The following C12orf42 variants were observed in gnomAD, a reference collection of about 807,000 sequenced individuals.
The protein encoded by C12orf42 is uncharacterized protein C12orf42.
C12orf42 carries 25 observed loss-of-function variants against 21.6 expected under a neutral mutation model. That is an observed-to-expected ratio of 1.16 (90% CI 0.84 to 1.62). C12orf42 has a LOEUF of 1.62. C12orf42 is among the 40% of genes most tolerant of loss of function. The pLI is 0.00. For missense variants in C12orf42, 483 were observed against 459.3 expected (o/e 1.05, Z -0.47); for synonymous variants, 174 against 175.0 (o/e 0.99, Z 0.05).
At chr12:103,289,368 C>A (rs1032114878) in intron 4 of C12orf42, among the ~76,000 whole-genome samples, 1 of 151,876 alleles carries the variant, frequency 6.6e-6, no homozygotes, top group Non-Finnish European at 1.5e-5. Context: ...AAGAGCATAC[C>A]AGACAAAATA....
At chr12:103,553,200 A>G in the C12orf42 span, among the ~76,000 whole-genome samples, 32 of 152,188 alleles carry the variant, frequency 2.1e-4, no homozygotes, top group African/African-American at 6.0e-4. Flanking sequence ...CAGTTTGAAA[A>G]CCAAAAGTCT....
intron 4 of C12orf42, chr12:103,349,136 T>G (rs1179730724): frequency 6.6e-6 from 1 of 152,186 alleles, no homozygotes; most frequent in East Asian, 1.9e-4. Context: ...AGGGGAAGTC[T>G]GCTGAGAACT....
At chr12:103,164,497 T>C in the C12orf42 span, 2 of 450,870 alleles carry the variant, frequency 4.4e-6, no homozygotes, top group Non-Finnish European at 4.5e-6. Context: ...AGTACATTTC[T>C]TTATTTGCCA....
At chr12:103,048,664 G>T in the C12orf42 span, among the ~76,000 whole-genome samples, 2 of 152,174 alleles carry the variant, frequency 1.3e-5, no homozygotes, top group Non-Finnish European at 2.9e-5. Context: ...AGAGCTCTCT[G>T]TGTGCTCCGG....
chr12:103,053,519 T>C, the C12orf42 span, among the ~76,000 whole-genome samples: 2 of 151,990 alleles, frequency 1.3e-5, no homozygotes, highest in African/African-American at 4.8e-5. Flanking sequence ...AAATACATGG[T>C]TTACAAATAT....
At chr12:103,328,695 T>A (rs76032104) in intron 4 of C12orf42, among the ~76,000 whole-genome samples, 3,834 of 152,264 alleles carry the variant, frequency 0.025, 179 homozygotes, top group African/African-American at 0.087. Flanking sequence ...TAAATACCAG[T>A]GGGCCATAGT....
chr12:103,050,616 A>G, the C12orf42 span, among the ~76,000 whole-genome samples: 1 of 152,066 alleles, frequency 6.6e-6, no homozygotes, highest in African/African-American at 2.4e-5. Flanking sequence ...ACCTAATGTC[A>G]TTTCGTGCCA....
the C12orf42 span, among the ~76,000 whole-genome samples, chr12:103,225,090 G>C: frequency 1.4e-5 from 2 of 147,028 alleles, no homozygotes; most frequent in Non-Finnish European, 3.0e-5. Flanking sequence ...TGGGTGTCAG[G>C]GTCAGTCTAA....
chr12:103,379,460 T>C (rs929501104), intron 3 of C12orf42, among the ~76,000 whole-genome samples: 5 of 148,004 alleles, frequency 3.4e-5, no homozygotes, highest in African/African-American at 1.3e-4. Flanking sequence ...GAAAAAAAAA[T>C]ACTAACTTGG....
chr12:103,405,550 C>G (rs561614346), intron 2 of C12orf42, among the ~76,000 whole-genome samples: 1 of 152,244 alleles, frequency 6.6e-6, no homozygotes, highest in Admixed American at 6.5e-5. Context: ...TGACCTCTTT[C>G]CATCTGACAA....
At position 103,435,320 on chromosome 12, in the gene C12orf42, C is replaced by T. The variant is rs567836049; in HGVS notation, c.79-33645G>A. Among the ~76,000 whole-genome samples, 17 of 152,234 alleles carry T rather than the reference C, an allele frequency of 1.1e-4. 1 individual carries two copies. The highest frequency in any genetic ancestry group is 2.6e-4 in the Admixed American group (4 of 15,298). ...TGGGGAAAAAACAGAACAGAAAAAC[C>T]GGAAATTCTAAAACGCAGAGTGCCT... On this transcript the variant is annotated intron_variant, in intron 2 of 5. Coordinates refer to ENST00000548883, the MANE Select transcript of C12orf42 (RefSeq NM_198521.5).
intron 2 of C12orf42, among the ~76,000 whole-genome samples, chr12:103,418,576 G>A (rs1294047047): frequency 1.3e-5 from 2 of 151,948 alleles, no homozygotes; most frequent in African/African-American, 2.4e-5. Flanking sequence ...TGGTGGTCTC[G>A]GGTGGGATGC....
chr12:103,197,972 C>A, the C12orf42 span, among the ~76,000 whole-genome samples: 1 of 152,182 alleles, frequency 6.6e-6, no homozygotes, highest in Non-Finnish European at 1.5e-5. Context: ...CTGACAATAA[C>A]ATTCCAATGG....
the C12orf42 span, among the ~76,000 whole-genome samples, chr12:103,501,797 C>T: frequency 6.6e-6 from 1 of 152,216 alleles, no homozygotes; most frequent in South Asian, 2.1e-4. Context: ...GCTCAAAGAC[C>T]ACATACTGGA....
chr12:103,173,621 T>C, the C12orf42 span, among the ~76,000 whole-genome samples: 24 of 151,508 alleles, frequency 1.6e-4, no homozygotes, highest in African/African-American at 3.7e-4. Context: ...TTTGTAACTT[T>C]CATTAGACCT....
At chr12:103,542,018 A>T in the C12orf42 span, among the ~76,000 whole-genome samples, 2 of 152,210 alleles carry the variant, frequency 1.3e-5, no homozygotes, top group Non-Finnish European at 2.9e-5. Context: ...CTATTAAAGG[A>T]TCTGCTTCAT....
At chr12:103,380,007 T>C (rs2046030949) in intron 3 of C12orf42, among the ~76,000 whole-genome samples, 1 of 152,168 alleles carries the variant, frequency 6.6e-6, no homozygotes, top group Non-Finnish European at 1.5e-5. Flanking sequence ...TAATTACCGT[T>C]AGTGAGGCCT....
At chr12:103,085,697 T>C in the C12orf42 span, among the ~76,000 whole-genome samples, 1 of 152,202 alleles carries the variant, frequency 6.6e-6, no homozygotes, top group Non-Finnish European at 1.5e-5. Context: ...CAGAAACCAT[T>C]AATTTTACTA....
the C12orf42 span, among the ~76,000 whole-genome samples, chr12:103,118,822 C>T: frequency 0.012 from 1,676 of 137,232 alleles, 75 homozygotes; most frequent in East Asian, 0.15. Flanking sequence ...TTTATACTAT[C>T]AGATGGTATG....
Sources: gnomAD v4.1 joint callset for allele counts (sites outside exome capture counted in the v4.1 genomes callset) on GRCh38, gnomAD v4.1.1 for gene constraint, MANE v1.5 for transcripts, NCBI Gene and HGNC (gene_info 2026-07-23, HGNC 2026-07-21) for gene names.